CFAP206: variants seen among roughly 807,000 people sequenced by gnomAD.
CFAP206 encodes the protein cilia and flagella associated protein 206, also known as cilia- and flagella-associated protein 206.
Under a neutral mutation model 65.4 loss-of-function variants are expected in CFAP206, and 53 were observed. The ratio of observed to expected loss-of-function variants is 0.81; its 90% CI spans 0.65 to 1.02. CFAP206 has a LOEUF of 1.02. Among genes scored for constraint, CFAP206 ranks in the 50% least tolerant of loss-of-function variants. CFAP206 has a pLI of 0.00. For synonymous variants in CFAP206, 250 were observed against 254.4 expected (o/e 0.98, Z 0.17); for missense variants, 663 against 753.2 (o/e 0.88, Z 1.40).
chr6:87,463,893 T>C, intron 12 of CFAP206, 127 bp from the exon 13 acceptor site: 1 of 581,502 alleles, frequency 1.7e-6, no homozygotes, highest in African/African-American at 1.8e-5. Flanking sequence ...GAAAAAATGC[T>C]ATGTTATGGA....
At chr6:87,447,884 C>T (rs533434856) in intron 11 of CFAP206, among the ~76,000 whole-genome samples, 1 of 151,920 alleles carries the variant, frequency 6.6e-6, no homozygotes, top group South Asian at 2.1e-4. Flanking sequence ...CAGGATCCAA[C>T]TTCTTCCTGG....
intron 1 of CFAP206, chr6:87,408,516 C>CACACAGATCCGGAGCGCGG: frequency 1.2e-5 from 1 of 83,272 alleles, no homozygotes; most frequent in East Asian, 3.0e-4. Context: ...CCGGAGCGCG[C>CACACAGATCCGGAGCGCGG]ACACAGATCC....
intron 1 of CFAP206, 71 bp downstream of exon 1, chr6:87,408,160 T>A: frequency 1.2e-6 from 1 of 824,898 alleles, no homozygotes; most frequent in Non-Finnish European, 1.5e-6. Context: ...TTGGGGCGGC[T>A]GGCGGAGCTC....
chr6:87,408,262 C>T (rs11964198), intron 1 of CFAP206, among the ~76,000 whole-genome samples, 173 bp downstream of exon 1: 47,004 of 152,148 alleles, frequency 0.31, 7,503 homozygotes, highest in African/African-American at 0.39. Context: ...GAACAGCGGT[C>T]CATTCCTGCC....
intron 11 of CFAP206, among the ~76,000 whole-genome samples, chr6:87,442,848 T>G (rs1166289769): frequency 1.3e-5 from 2 of 152,178 alleles, no homozygotes; most frequent in East Asian, 3.8e-4. Flanking sequence ...TTATTTTATT[T>G]ATTTAAAAAA....
At chr6:87,410,320 G>GA (rs1767712330) in intron 2 of CFAP206, among the ~76,000 whole-genome samples, 1 of 152,130 alleles carries the variant, frequency 6.6e-6, no homozygotes, top group East Asian at 1.9e-4. Context: ...TTTCCCAATT[G>GA]AAAACCTAGC....
chr6:87,433,167 A>G (rs1768187401), intron 10 of CFAP206, among the ~76,000 whole-genome samples: 1 of 152,170 alleles, frequency 6.6e-6, no homozygotes, highest in African/African-American at 2.4e-5. Flanking sequence ...CATTTTATTC[A>G]GCCTTCCCTA....
In CFAP206 at chr6:87,413,876, T is replaced by C; in HGVS notation, c.259T>C (p.Phe87Leu). ...GGACACTATTAAGATGCAAGTCTAC[T>C]TCGATATGAATTATACGAATCGAGG... ...SLDTIKMQVY[F>L]DMNYTNRVEF... The change falls in exon 4 of 13, where the codon TTC becomes CTC. Residue 87 changes from phenylalanine (F) to leucine (L), a missense_variant. Physicochemically the swap from Phe to Leu is conservative, Grantham distance 22. Transcript: ENST00000369562. 6.5e-7 allele frequency: 1 copy of C among 1,549,638 alleles called. No homozygotes were observed. The highest frequency in any genetic ancestry group is 1.3e-5 in the South Asian group (1 of 77,950).
chr6:87,433,145 G>A (rs984358680), intron 10 of CFAP206, among the ~76,000 whole-genome samples: 24 of 152,280 alleles, frequency 1.6e-4, no homozygotes, highest in Admixed American at 1.2e-3. Context: ...GTTGCTAATC[G>A]CCTTGCTGCC....
chr6:87,445,962 GCTT>G (rs1387258379), intron 11 of CFAP206, among the ~76,000 whole-genome samples: 5 of 152,088 alleles, frequency 3.3e-5, no homozygotes, highest in Non-Finnish European at 7.4e-5. Context: ...ATGATATTGA[GCTT>G]TTTTTCATAT....
At chr6:87,418,438 T>TGA (rs1379854155) in intron 7 of CFAP206, 22 bp downstream of exon 7, 1 of 1,595,184 alleles carries the variant, frequency 6.3e-7, no homozygotes, top group African/African-American at 1.3e-5. Context: ...TCATAAGACC[T>TGA]GACCTTTTCT....
At chr6:87,408,892 G>A (rs1451384299) in intron 1 of CFAP206, 3 of 152,190 alleles carry the variant, frequency 2.0e-5, no homozygotes, top group South Asian at 2.1e-4. Context: ...ATGCTGAGGA[G>A]TTGGCTTTAT....
At chr6:87,452,528 C>G (rs1768563801) in intron 11 of CFAP206, among the ~76,000 whole-genome samples, 1 of 152,042 alleles carries the variant, frequency 6.6e-6, no homozygotes, top group African/African-American at 2.4e-5. Flanking sequence ...GATATGTGGC[C>G]TGGCCTTTCA....
At chr6:87,438,233 C>T (rs903023761) in intron 11 of CFAP206, among the ~76,000 whole-genome samples, 3 of 151,992 alleles carry the variant, frequency 2.0e-5, no homozygotes, top group Admixed American at 6.6e-5. Context: ...GAGGCTGAGG[C>T]GAGTAGATCA....
In CFAP206 at chr6:87,445,153, G is replaced by T. The variant is rs113079976; in HGVS notation, c.1494+10100G>T. On this transcript the variant is annotated intron_variant, in intron 11 of 12. Transcript: ENST00000369562. ...TTTGCGTAATCCATCATCTGTTATA[G>T]CTGCATTTTCATCTCCCCTTTCTTT... 6.0e-3 allele frequency: 1,867 copies of T among 311,626 alleles called. 41 individuals carry two copies. The highest frequency in any genetic ancestry group is 0.039 in the African/African-American group (1,746 of 44,646). 19.3% of individuals were successfully genotyped at this position (311,626 alleles called of 1,614,324 possible).
chr6:87,432,878 C>T (rs1768183054), intron 10 of CFAP206, among the ~76,000 whole-genome samples: 1 of 152,246 alleles, frequency 6.6e-6, no homozygotes, highest in African/African-American at 2.4e-5. Flanking sequence ...CAGCAGCAAC[C>T]TGCATTACCT....
At chr6:87,455,979 G>GA (rs1768634244) in intron 11 of CFAP206, among the ~76,000 whole-genome samples, 1 of 152,136 alleles carries the variant, frequency 6.6e-6, no homozygotes, top group Non-Finnish European at 1.5e-5. Flanking sequence ...AAAAGTAGAG[G>GA]AAGAGGGAAT....
chr6:87,441,114 G>T, intron 11 of CFAP206: 1 of 167,098 alleles, frequency 6.0e-6, no homozygotes, highest in Non-Finnish European at 1.3e-5. Context: ...TCAGTCTCTA[G>T]AAAGCAACCA....
intron 7 of CFAP206, among the ~76,000 whole-genome samples, chr6:87,424,040 A>C (rs1396513750): frequency 6.6e-6 from 1 of 152,172 alleles, no homozygotes; most frequent in Non-Finnish European, 1.5e-5. Flanking sequence ...TGCTATACTG[A>C]TAAACCCACA....
Sources: allele counts gnomAD v4.1 joint callset (sites outside exome capture counted in the v4.1 genomes callset), GRCh38; gene constraint gnomAD v4.1.1; transcripts MANE v1.5; gene names NCBI Gene and HGNC (gene_info 2026-07-23, HGNC 2026-07-21).